PPEF1: variants seen among roughly 807,000 people sequenced by gnomAD.
PPEF1 encodes protein phosphatase with EF-hand domain 1.
A neutral mutation model predicts 53.3 loss-of-function variants in PPEF1; 12 were observed. The observed-to-expected ratio is 0.23, with a 90% CI of 0.14 to 0.36. The LOEUF (loss-of-function observed/expected upper bound fraction) is 0.36. Ranked by LOEUF, PPEF1 falls within the 10% of genes least tolerant of loss-of-function variation. The probability of loss-of-function intolerance (pLI) is 1.00; values close to 1 mark genes in which losing one functional copy is unlikely to be tolerated. For synonymous variants in PPEF1, 165 were observed against 176.7 expected (o/e 0.93, Z 0.52); for missense variants, 334 against 490.4 (o/e 0.68, Z 3.01).
intron 3 of PPEF1, among the ~76,000 whole-genome samples, chrX:18,743,534 C>G (rs180857583): frequency 5.2e-4 from 52 of 99,510 alleles, no homozygotes; most frequent in African/African-American, 1.9e-3. Context: ...ACTGCAACCT[C>G]TGCCTCCCGG....
intron 9 of PPEF1, among the ~76,000 whole-genome samples, chrX:18,787,686 G>A (rs1462866322): frequency 2.8e-5 from 3 of 105,448 alleles, no homozygotes; most frequent in Non-Finnish European, 3.9e-5. Flanking sequence ...TTGGGAGGCC[G>A]AAGTGAGACG....
chrX:18,712,267 CAATT>C (rs767650358), intron 1 of PPEF1, among the ~76,000 whole-genome samples: 4 of 111,543 alleles, frequency 3.6e-5, no homozygotes, highest in Admixed American at 9.5e-5. Context: ...GCTATATTAA[CAATT>C]AAATAATCTG....
intron 12 of PPEF1, among the ~76,000 whole-genome samples, chrX:18,815,094 G>A (rs2046878859): frequency 1.8e-5 from 2 of 111,524 alleles, no homozygotes; most frequent in South Asian, 7.5e-4. Flanking sequence ...GTCATTTATT[G>A]AATAGGGAGT....
At chrX:18,794,241 A>C in intron 10 of PPEF1, among the ~76,000 whole-genome samples, 1 of 112,927 alleles carries the variant, frequency 8.9e-6, no homozygotes, top group Admixed American at 9.3e-5. Context: ...TCAGTCTGTT[A>C]AATTTCTTCT....
chrX:18,708,723 C>T (rs1436407885), intron 1 of PPEF1, among the ~76,000 whole-genome samples: 2 of 111,607 alleles, frequency 1.8e-5, no homozygotes, highest in Non-Finnish European at 3.8e-5. Flanking sequence ...TATTCTCCTA[C>T]CCAGCTGACT....
At chrX:18,753,798 T>G (rs905557554) in intron 4 of PPEF1, among the ~76,000 whole-genome samples, 12 of 112,031 alleles carry the variant, frequency 1.1e-4, no homozygotes, top group African/African-American at 3.9e-4. Flanking sequence ...CATTCCATTG[T>G]GGTCAAAGAA....
intron 1 of PPEF1, among the ~76,000 whole-genome samples, chrX:18,683,303 A>G (rs74520632): frequency 0.017 from 1,855 of 111,398 alleles, 33 homozygotes; most frequent in South Asian, 0.15. Context: ...GCCAGGTACA[A>G]TTATACAGTG....
chrX:18,739,798 C>T (rs185630245), intron 3 of PPEF1, among the ~76,000 whole-genome samples: 83 of 112,505 alleles, frequency 7.4e-4, no homozygotes, highest in African/African-American at 2.5e-3. Context: ...TCAAGCTTCC[C>T]GGCTGCTTTG....
Position 18,827,261 on chromosome X carries a change from C to T in PPEF1, c.1751-15C>T, listed in dbSNP as rs1488399031. 2.5e-6 allele frequency: 3 copies of T among 1,191,920 alleles called. No individual in the cohort carries two copies. Among genetic ancestry groups the T allele is most frequent in the Non-Finnish European group, 3.4e-6 (3 of 879,152 alleles). The stretch of plus-strand genomic sequence containing the variant: ...TTAAAATGAACACTCACAACCTTCT[C>T]CTATATTCTTTTAGGCCTGATCTCC... On this transcript the variant is annotated splice_polypyrimidine_tract_variant and intron_variant, in intron 15 of 15. Transcript: ENST00000470157.
chrX:18,783,047 G>A (rs1164231998), intron 8 of PPEF1, among the ~76,000 whole-genome samples: 1 of 106,115 alleles, frequency 9.4e-6, no homozygotes, highest in African/African-American at 3.5e-5. Context: ...AGGAGGCGGA[G>A]GTTGCAGTGA....
intron 3 of PPEF1, among the ~76,000 whole-genome samples, chrX:18,741,761 GGCT>G (rs1285180113): frequency 2.1e-4 from 21 of 102,409 alleles, no homozygotes; most frequent in African/African-American, 6.6e-4. Flanking sequence ...ATTTGAGTCT[GGCT>G]GCTGCTTCTT....
chrX:18,751,115 G>A (rs1241982513), intron 4 of PPEF1, among the ~76,000 whole-genome samples: 1 of 111,646 alleles, frequency 9.0e-6, no homozygotes, highest in Non-Finnish European at 1.9e-5. Context: ...CTCCCGTTCT[G>A]TAGGTTGTTT....
upstream of PPEF1, among the ~76,000 whole-genome samples, chrX:18,678,170 C>T (rs1361851857): frequency 1.0e-5 from 1 of 98,753 alleles, no homozygotes; most frequent in Admixed American, 1.2e-4. Context: ...ATGGCTCACG[C>T]TTATAATCCC....
At chrX:18,750,862 T>A (rs1342915744) in intron 4 of PPEF1, among the ~76,000 whole-genome samples, 2 of 111,571 alleles carry the variant, frequency 1.8e-5, no homozygotes, top group Non-Finnish European at 3.8e-5. Flanking sequence ...TTTTTTTTTT[T>A]ATTTTTATTA....
intron 10 of PPEF1, 28 bp from the exon 11 acceptor site, chrX:18,803,864 A>G (rs1297619027): frequency 2.6e-6 from 3 of 1,151,105 alleles, no homozygotes; most frequent in Non-Finnish European, 3.5e-6. Context: ...CTTGTAAGTT[A>G]CAGCGAAATC....
chrX:18,740,987 T>G (rs1480334877), intron 3 of PPEF1, among the ~76,000 whole-genome samples: 1 of 105,658 alleles, frequency 9.5e-6, no homozygotes, highest in African/African-American at 3.5e-5. Context: ...TTAAATAATC[T>G]GGTAAATACC....
Position 18,709,561 on chromosome X carries a change from G to A in PPEF1, c.46+1735G>A, listed in dbSNP as rs191773561. Among the ~76,000 whole-genome samples the A allele has an allele frequency of 6.3e-3, 670 of 106,192 alleles. 10 individuals are homozygous for A. Among genetic ancestry groups the A allele is most frequent in the African/African-American group, 0.021 (605 of 28,553 alleles). 92.2% of individuals were successfully genotyped at this position (106,192 alleles called of 115,157 possible). ...CACCCAGGCTGGAGTGCAGTGGGGC[G>A]ATCTCGGCTCGCTGCAACCTCCGCC... On this transcript the variant is annotated intron_variant, in intron 1 of 15. Transcript: ENST00000470157.
At chrX:18,765,839 G>A (rs767201392) in intron 6 of PPEF1, among the ~76,000 whole-genome samples, 6 of 110,535 alleles carry the variant, frequency 5.4e-5, no homozygotes, top group South Asian at 3.8e-4. Flanking sequence ...TGAGGTGGAC[G>A]GATCACTTGA....
chrX:18,789,880 T>C (rs7885981), intron 10 of PPEF1, among the ~76,000 whole-genome samples: 1,320 of 112,526 alleles, frequency 0.012, 28 homozygotes, highest in African/African-American at 0.041. Context: ...TTGGCTACTA[T>C]GAATAATCCT....
Sources: allele counts gnomAD v4.1 joint callset (sites outside exome capture counted in the v4.1 genomes callset), GRCh38; gene constraint gnomAD v4.1.1; transcripts MANE v1.5; gene names NCBI Gene and HGNC (gene_info 2026-07-23, HGNC 2026-07-21).